RALYL: variants seen among roughly 807,000 people sequenced by gnomAD.
RALYL encodes the protein RNA-binding Raly-like protein.
In RALYL, 29 loss-of-function variants were observed where a neutral mutation model predicts 35.1. The ratio of observed to expected loss-of-function variants is 0.83; its 90% CI spans 0.61 to 1.13. RALYL has a LOEUF of 1.13. Among genes scored for constraint, RALYL ranks in the 50% most tolerant of loss-of-function variants. The pLI, the probability that RALYL is intolerant of heterozygous loss-of-function variation, is 0.00. For synonymous variants in RALYL, 120 were observed against 127.6 expected (o/e 0.94, Z 0.40); for missense variants, 359 against 360.4 (o/e 1.00, Z 0.03).
intron 8 of RALYL, among the ~76,000 whole-genome samples, chr8:84,917,553 A>C (rs987854765): frequency 1.3e-5 from 2 of 150,954 alleles, no homozygotes; most frequent in African/African-American, 2.4e-5. Context: ...GGGAAATTAC[A>C]TACTAGATGT....
At chr8:84,577,788 T>C (rs1809818442) in intron 2 of RALYL, among the ~76,000 whole-genome samples, 2 of 152,044 alleles carry the variant, frequency 1.3e-5, no homozygotes, top group Non-Finnish European at 2.9e-5. Context: ...ATTAAGAAAA[T>C]TTGTGAAAAG....
intron 1 of RALYL, among the ~76,000 whole-genome samples, chr8:84,389,007 A>T (rs1179855068): frequency 6.6e-6 from 1 of 152,086 alleles, no homozygotes; most frequent in Non-Finnish European, 1.5e-5. Context: ...TCCATCTTGA[A>T]TTGATTTTTG....
intron 2 of RALYL, among the ~76,000 whole-genome samples, chr8:84,541,279 T>A (rs567834748): frequency 9.5e-4 from 145 of 152,166 alleles, no homozygotes; most frequent in Non-Finnish European, 1.8e-3. Context: ...TCATCCCACA[T>A]GTTCTAGTAT....
chr8:84,654,270 C>CATATATAT (rs143309933), intron 2 of RALYL, among the ~76,000 whole-genome samples: 548 of 44,390 alleles, frequency 0.012, 36 homozygotes, highest in Non-Finnish European at 0.019. Flanking sequence ...TCTCATGTTC[C>CATATATAT]ATATATATAT....
intron 2 of RALYL, among the ~76,000 whole-genome samples, chr8:84,761,995 G>A (rs1563544970): frequency 1.3e-5 from 2 of 151,984 alleles, no homozygotes; most frequent in African/African-American, 4.8e-5. Flanking sequence ...GGAGTTAGCC[G>A]TGCATTATCT....
intron 3 of RALYL, among the ~76,000 whole-genome samples, chr8:84,790,350 T>C (rs1820488433): frequency 1.3e-5 from 2 of 152,186 alleles, no homozygotes; most frequent in South Asian, 4.1e-4. Context: ...AGGGTCTATG[T>C]AGGAACAATG....
intron 1 of RALYL, among the ~76,000 whole-genome samples, chr8:84,427,579 A>AT (rs1224422388): frequency 6.6e-6 from 1 of 151,980 alleles, no homozygotes; most frequent in African/African-American, 2.4e-5. Flanking sequence ...CTTTAGTATC[A>AT]TTTTTTACTA....
chr8:84,660,648 T>C (rs1293978902), intron 2 of RALYL, among the ~76,000 whole-genome samples: 1 of 151,906 alleles, frequency 6.6e-6, no homozygotes, highest in Admixed American at 6.6e-5. Flanking sequence ...TCCCCAGTTT[T>C]AAGGTTTTCA....
intron 1 of RALYL, among the ~76,000 whole-genome samples, chr8:84,255,792 C>T (rs558072614): frequency 6.6e-6 from 1 of 151,812 alleles, no homozygotes; most frequent in African/African-American, 2.4e-5. Flanking sequence ...AGAGTTTTCC[C>T]CGGAAAATTT....
intron 1 of RALYL, among the ~76,000 whole-genome samples, chr8:84,514,260 T>C (rs2057879383): frequency 6.6e-6 from 1 of 152,192 alleles, no homozygotes; most frequent in Non-Finnish European, 1.5e-5. Flanking sequence ...CTGTTGTCAT[T>C]GAAGAGTCAT....
chr8:84,214,250 A>G (rs183780768), intron 1 of RALYL, among the ~76,000 whole-genome samples: 6 of 152,296 alleles, frequency 3.9e-5, no homozygotes, highest in African/African-American at 1.4e-4. Flanking sequence ...GATAAGTTGC[A>G]TATAAGGAAT....
intron 1 of RALYL, among the ~76,000 whole-genome samples, chr8:84,426,873 C>T (rs2046539348): frequency 6.6e-6 from 1 of 152,078 alleles, no homozygotes; most frequent in Admixed American, 6.6e-5. Context: ...AAGATTGGTA[C>T]AGCCGTTATG....
chr8:84,214,492 A>G (rs957384452), intron 1 of RALYL, among the ~76,000 whole-genome samples: 3 of 152,154 alleles, frequency 2.0e-5, no homozygotes, highest in Non-Finnish European at 4.4e-5. Context: ...TAAAAATTCT[A>G]TTTACCTAAA....
chr8:84,482,158 A>T (rs1229696158), intron 1 of RALYL, among the ~76,000 whole-genome samples: 1 of 152,062 alleles, frequency 6.6e-6, no homozygotes, highest in Non-Finnish European at 1.5e-5. Flanking sequence ...AGAAATTTTT[A>T]AAAATAATAA....
intron 1 of RALYL, among the ~76,000 whole-genome samples, chr8:84,403,542 T>TG (rs2043154666): frequency 7.1e-6 from 1 of 140,040 alleles, no homozygotes; most frequent in Admixed American, 7.0e-5. Context: ...TTTTTTTTTT[T>TG]TTTTTTTTTT....
rs138343251 is a variant in RALYL, at chr8:84,485,765, A to G, written c.-23-43534A>G. ...TTGGAAATTAATGAGTTTATATTCA[A>G]AATATATCCAGAATATGAAGCCTCT... On this transcript the variant is annotated intron_variant, in intron 1 of 8. Coordinates refer to ENST00000521268, the MANE Select transcript of RALYL (RefSeq NM_173848.7). Among the ~76,000 whole-genome samples, 387 of 152,254 alleles carry G rather than the reference A, an allele frequency of 2.5e-3. 2 individuals are homozygous for G. The highest frequency in any genetic ancestry group is 4.2e-3 in the Non-Finnish European group (288 of 68,006).
chr8:84,599,320 T>C (rs141158391), intron 2 of RALYL, among the ~76,000 whole-genome samples: 350 of 152,114 alleles, frequency 2.3e-3, no homozygotes, highest in African/African-American at 5.2e-3. Flanking sequence ...ATATTTAGCA[T>C]AGTTAAATTT....
intron 2 of RALYL, among the ~76,000 whole-genome samples, chr8:84,731,937 T>C (rs1352116645): frequency 6.6e-6 from 1 of 152,096 alleles, no homozygotes; most frequent in Non-Finnish European, 1.5e-5. Context: ...GTTCATGCTG[T>C]TCCCTTTCCT....
intron 4 of RALYL, among the ~76,000 whole-genome samples, chr8:84,830,836 GAAGGA>G (rs1293246310): frequency 1.3e-5 from 2 of 152,118 alleles, no homozygotes; most frequent in East Asian, 3.9e-4. Context: ...ATAATATTCA[GAAGGA>G]AAGTACCTCT....
Sources: gnomAD v4.1 joint callset for allele counts (sites outside exome capture counted in the v4.1 genomes callset) on GRCh38, gnomAD v4.1.1 for gene constraint, MANE v1.5 for transcripts, NCBI Gene and HGNC (gene_info 2026-07-23, HGNC 2026-07-21) for gene names.